Variants in MGAT5 observed in about 807,000 individuals in gnomAD.
MGAT5 encodes alpha-1,6-mannosylglycoprotein 6-beta-N-acetylglucosaminyltransferase A.
A neutral mutation model predicts 94.3 loss-of-function variants in MGAT5; 30 were observed. The ratio of observed to expected loss-of-function variants is 0.32; its 90% CI spans 0.24 to 0.43. The LOEUF (loss-of-function observed/expected upper bound fraction) is 0.43. Among genes scored for constraint, MGAT5 ranks in the 20% least tolerant of loss-of-function variants. MGAT5 has a pLI of 1.00. For missense variants in MGAT5, 691 were observed against 905.5 expected (o/e 0.76, Z 3.04); for synonymous variants, 310 against 322.9 (o/e 0.96, Z 0.43).
At chr2:134,207,629 C>G (rs1680077888) in intron 1 of MGAT5, among the ~76,000 whole-genome samples, 1 of 151,718 alleles carries the variant, frequency 6.6e-6, no homozygotes, top group Non-Finnish European at 1.5e-5. Context: ...TGATCGTTTA[C>G]TTCTGCTAGG....
chr2:134,250,496 G>A (rs1682529978), upstream of MGAT5, among the ~76,000 whole-genome samples: 1 of 152,212 alleles, frequency 6.6e-6, no homozygotes, highest in African/African-American at 2.4e-5. Context: ...AAGACTATGA[G>A]GATGGCTGTT....
At chr2:134,378,609 CT>C (rs1185774501) in intron 10 of MGAT5, among the ~76,000 whole-genome samples, 2 of 130,510 alleles carry the variant, frequency 1.5e-5, no homozygotes, top group African/African-American at 5.9e-5. Flanking sequence ...ACAGGGTTAT[CT>C]GGATTACTTT....
chr2:134,170,914 A>C (rs1404138594), intron 1 of MGAT5, among the ~76,000 whole-genome samples: 1 of 150,320 alleles, frequency 6.7e-6, no homozygotes, highest in Non-Finnish European at 1.5e-5. Flanking sequence ...GCTGGAGTGC[A>C]ATGGTGCAAT....
rs1251297477 is a variant in MGAT5, at chr2:134,254,586, G to T, written c.183G>T (p.Leu61=). Residue 61 remains leucine, a synonymous_variant, in exon 1 of 16, where the codon CTG becomes CTT. Coordinates refer to ENST00000281923, the MANE Select transcript of MGAT5 (RefSeq NM_002410.5). ...LDLSKRYIKA[L]AEENRNVVDG... The stretch of plus-strand genomic sequence containing the variant: ...TCAGCAAAAGGTACATCAAGGCACT[G>T]GCAGAAGAAAACAGGAATGTGGTGG... 1 of 1,614,226 alleles carries T rather than the reference G, an allele frequency of 6.2e-7. No homozygotes were observed. The highest frequency in any genetic ancestry group is 1.1e-5 in the South Asian group (1 of 91,086).
At chr2:134,345,503 G>A (rs564363665) in intron 8 of MGAT5, among the ~76,000 whole-genome samples, 40 of 152,218 alleles carry the variant, frequency 2.6e-4, no homozygotes, top group African/African-American at 9.4e-4. Flanking sequence ...CTGGGGTCTT[G>A]CACTTTTTAA....
intron 15 of MGAT5, among the ~76,000 whole-genome samples, chr2:134,443,743 C>T (rs1470515003): frequency 2.0e-5 from 3 of 152,202 alleles, no homozygotes; most frequent in Non-Finnish European, 2.9e-5. Flanking sequence ...TTTCCATGCG[C>T]TCCTTTTGCA....
chr2:134,141,927 A>G (rs1256326315), intron 1 of MGAT5, among the ~76,000 whole-genome samples: 1 of 152,156 alleles, frequency 6.6e-6, no homozygotes, highest in African/African-American at 2.4e-5. Flanking sequence ...GCTTGGGCAG[A>G]TTTGGTTTTC....
Position 134,130,987 on chromosome 2 carries a change from G to T in MGAT5, c.-143+10696G>T, listed in dbSNP as rs573254879. Among the ~76,000 whole-genome samples the T allele has an allele frequency of 7.9e-5, 12 of 152,346 alleles. No individual in the cohort carries two copies. In the South Asian group the frequency reaches 8.3e-4, roughly 11 times the overall value. ...CCAGATAAGGGAATAAAAGCAGGCTGCCTGAGCTGGCACTGGCAACCCCCT... is the reference window on the plus strand; with the variant it reads ...CCAGATAAGGGAATAAAAGCAGGCTTCCTGAGCTGGCACTGGCAACCCCCT... On this transcript the variant is annotated intron_variant, in intron 1 of 16. Coordinates refer to the MGAT5 transcript ENST00000409645.
At chr2:134,358,206 T>TCAGA (rs1250465517) in intron 9 of MGAT5, among the ~76,000 whole-genome samples, 1 of 148,956 alleles carries the variant, frequency 6.7e-6, no homozygotes, top group African/African-American at 2.5e-5. Context: ...TTTTTTTGGA[T>TCAGA]GCATAAAAGA....
At chr2:134,368,013 G>C (rs1010923654) in intron 10 of MGAT5, among the ~76,000 whole-genome samples, 1 of 139,406 alleles carries the variant, frequency 7.2e-6, no homozygotes, top group Non-Finnish European at 1.6e-5. Context: ...GGCTCAAGGA[G>C]GGGGAGTGAC....
chr2:134,434,064 C>A (rs1355432143), intron 14 of MGAT5, among the ~76,000 whole-genome samples: 1 of 152,186 alleles, frequency 6.6e-6, no homozygotes, highest in Non-Finnish European at 1.5e-5. Flanking sequence ...CTCTGACTGG[C>A]CCTTCTGTTA....
intron 11 of MGAT5, among the ~76,000 whole-genome samples, chr2:134,412,460 A>G (rs1014949645): frequency 6.6e-6 from 1 of 152,012 alleles, no homozygotes; most frequent in Non-Finnish European, 1.5e-5. Context: ...CTTTGGTTCA[A>G]TGAAGAAACC....
intron 1 of MGAT5, among the ~76,000 whole-genome samples, chr2:134,186,027 G>T (rs749061613): frequency 6.6e-6 from 1 of 152,368 alleles, no homozygotes; most frequent in Non-Finnish European, 1.5e-5. Context: ...AGGCACCTGT[G>T]TGGGGCTTGG....
intron 10 of MGAT5, among the ~76,000 whole-genome samples, chr2:134,380,457 G>A (rs962458907): frequency 5.3e-5 from 8 of 152,192 alleles, no homozygotes; most frequent in Non-Finnish European, 1.2e-4. Context: ...TGTGATGCAA[G>A]TGGAGTGGTT....
intron 15 of MGAT5, among the ~76,000 whole-genome samples, chr2:134,443,271 C>T (rs1685588230): frequency 6.6e-6 from 1 of 152,058 alleles, no homozygotes; most frequent in African/African-American, 2.4e-5. Flanking sequence ...CTTACTGTAA[C>T]CTCCACCTCC....
rs200858581 is a variant in MGAT5 at position 134,301,782 on chromosome 2, T to TGAG, written c.407-15746_407-15744dup. On this transcript the variant is annotated intron_variant, in intron 2 of 15. Transcript: ENST00000281923. ...GAGAATAAGGACGTGCTGGAACACA[T>TGAG]GAGTATGAGCTGGAGCTCATAATTA... 5.5e-3 allele frequency among the ~76,000 whole-genome samples: 840 copies of TGAG among 152,272 alleles called. 8 individuals carry two copies. Among genetic ancestry groups the TGAG allele is most frequent in the Admixed American group, 9.2e-3 (140 of 15,294 alleles).
intron 1 of MGAT5, among the ~76,000 whole-genome samples, chr2:134,243,171 T>C (rs1403616219): frequency 1.3e-5 from 2 of 152,092 alleles, no homozygotes; most frequent in Non-Finnish European, 2.9e-5. Flanking sequence ...ATTAAAATCA[T>C]CTAAGCAGCT....
At chr2:134,381,382 T>TTAGCTAGATAGA (rs1275452620) in intron 10 of MGAT5, among the ~76,000 whole-genome samples, 206 of 108,578 alleles carry the variant, frequency 1.9e-3, no homozygotes, top group Middle Eastern at 6.2e-3. Context: ...ATAAGATAGA[T>TTAGCTAGATAGA]TAGATAGATA....
chr2:134,397,503 A>C (rs1013223720), intron 10 of MGAT5, among the ~76,000 whole-genome samples: 1 of 152,086 alleles, frequency 6.6e-6, no homozygotes, highest in Non-Finnish European at 1.5e-5. Context: ...GGAGGAGAGA[A>C]AGGAGGTGGG....
Sources: allele counts gnomAD v4.1 joint callset (sites outside exome capture counted in the v4.1 genomes callset), GRCh38; gene constraint gnomAD v4.1.1; transcripts MANE v1.5; gene names NCBI Gene and HGNC (gene_info 2026-07-23, HGNC 2026-07-21).